The following PLCXD3 variants were observed in gnomAD, a reference collection of about 807,000 sequenced individuals.
PLCXD3 encodes phosphatidylinositol specific phospholipase C X domain containing 3.
PLCXD3 carries 19 observed loss-of-function variants against 25.5 expected under a neutral mutation model. The ratio of observed to expected loss-of-function variants is 0.75; its 90% confidence interval spans 0.52 to 1.09. The LOEUF is 1.09. Ranked by LOEUF, PLCXD3 falls within the 50% of genes least tolerant of loss-of-function variation. The pLI, the probability that PLCXD3 is intolerant of heterozygous loss-of-function variation, is 0.00. For synonymous variants in PLCXD3, 174 were observed against 137.6 expected (o/e 1.26, Z -1.85); for missense variants, 411 against 388.1 (o/e 1.06, Z -0.50).
At chr5:41,417,880 G>A (rs758200133) in intron 1 of PLCXD3, among the ~76,000 whole-genome samples, 1 of 152,206 alleles carries the variant, frequency 6.6e-6, no homozygotes, top group Non-Finnish European at 1.5e-5. Flanking sequence ...GACTGAGCAG[G>A]TTGTTGGAGA....
intron 2 of PLCXD3, among the ~76,000 whole-genome samples, chr5:41,322,833 G>C (rs1580298544): frequency 6.6e-6 from 1 of 152,130 alleles, no homozygotes; most frequent in South Asian, 2.1e-4. Context: ...AATTAGTTGG[G>C]TGTTGTGATG....
chr5:41,480,812 T>C (rs1293325496), intron 1 of PLCXD3, among the ~76,000 whole-genome samples: 2 of 151,972 alleles, frequency 1.3e-5, no homozygotes, highest in African/African-American at 4.8e-5. Flanking sequence ...TCCCAGCTAC[T>C]CAGGAGGCTG....
intron 1 of PLCXD3, among the ~76,000 whole-genome samples, chr5:41,457,766 G>C (rs898749029): frequency 2.0e-5 from 3 of 151,832 alleles, no homozygotes; most frequent in Non-Finnish European, 2.9e-5. Flanking sequence ...TACCATAACA[G>C]GTCACCCGTT....
At chr5:41,359,638 T>A (rs1218736260) in intron 2 of PLCXD3, among the ~76,000 whole-genome samples, 1 of 152,210 alleles carries the variant, frequency 6.6e-6, no homozygotes, top group Non-Finnish European at 1.5e-5. Flanking sequence ...ATTTTGCCAA[T>A]GGTCTATCAA....
At chr5:41,465,745 A>G (rs1461901028) in intron 1 of PLCXD3, among the ~76,000 whole-genome samples, 2 of 152,076 alleles carry the variant, frequency 1.3e-5, no homozygotes, top group Non-Finnish European at 2.9e-5. Flanking sequence ...TGGATTGGCC[A>G]TTATGAACAT....
chr5:41,428,076 G>A (rs879465241), intron 1 of PLCXD3, among the ~76,000 whole-genome samples: 38 of 151,956 alleles, frequency 2.5e-4, no homozygotes, highest in Non-Finnish European at 4.1e-4. Context: ...TTGTGCTGTC[G>A]CCCTGGGAAG....
intron 1 of PLCXD3, among the ~76,000 whole-genome samples, chr5:41,391,448 C>T (rs1745815955): frequency 6.6e-6 from 1 of 152,148 alleles, no homozygotes. Context: ...CATTTCTAGA[C>T]ACACCTGGGC....
intron 2 of PLCXD3, among the ~76,000 whole-genome samples, chr5:41,315,166 T>C (rs575785331): frequency 6.6e-6 from 1 of 152,154 alleles, no homozygotes; most frequent in South Asian, 2.1e-4. Flanking sequence ...TGACAGCATA[T>C]TGGAATGAGA....
chr5:41,469,637 A>C (rs919827592), intron 1 of PLCXD3, among the ~76,000 whole-genome samples: 1 of 151,974 alleles, frequency 6.6e-6, no homozygotes, highest in Admixed American at 6.6e-5. Context: ...CAATCTATTG[A>C]TCTATAATTG....
At chr5:41,497,718 CA>C (rs1748871149) in intron 1 of PLCXD3, among the ~76,000 whole-genome samples, 1 of 151,778 alleles carries the variant, frequency 6.6e-6, no homozygotes, top group African/African-American at 2.4e-5. Context: ...TTAACAACAG[CA>C]GAATACACAT....
At chr5:41,336,766 C>T (rs1743993982) in intron 2 of PLCXD3, among the ~76,000 whole-genome samples, 1 of 152,124 alleles carries the variant, frequency 6.6e-6, no homozygotes, top group African/African-American at 2.4e-5. Flanking sequence ...TCTGAAGATC[C>T]CCCACAGCTC....
At chr5:41,321,583 TA>T (rs1220191975) in intron 2 of PLCXD3, among the ~76,000 whole-genome samples, 3 of 152,202 alleles carry the variant, frequency 2.0e-5, no homozygotes, top group Middle Eastern at 3.4e-3. Context: ...AAAGCAAACC[TA>T]AAATTTATGT....
At chr5:41,492,285 A>C (rs1324626093) in intron 1 of PLCXD3, among the ~76,000 whole-genome samples, 1 of 152,290 alleles carries the variant, frequency 6.6e-6, no homozygotes, top group East Asian at 1.9e-4. Flanking sequence ...TGGCTTGTAG[A>C]GTTTCTGCCG....
At chr5:41,352,168 A>G (rs550070134) in intron 2 of PLCXD3, among the ~76,000 whole-genome samples, 2 of 152,360 alleles carry the variant, frequency 1.3e-5, no homozygotes, top group South Asian at 4.1e-4. Context: ...CATGCAGAAG[A>G]CACCATCATC....
At chr5:41,470,098 C>G (rs568083845) in intron 1 of PLCXD3, among the ~76,000 whole-genome samples, 3 of 152,214 alleles carry the variant, frequency 2.0e-5, no homozygotes, top group Non-Finnish European at 4.4e-5. Flanking sequence ...TAAAAACACA[C>G]AGTGTGGAAT....
Position 41,307,658 on chromosome 5 carries a change from T to TA in PLCXD3, c.*5958dup, listed in dbSNP as rs1743034201. 1 of 152,250 alleles carries TA rather than the reference T, an allele frequency of 6.6e-6. No individual in the cohort carries two copies. Among genetic ancestry groups the TA allele is most frequent in the African/African-American group, 2.4e-5 (1 of 41,462 alleles). 9.4% of individuals were successfully genotyped at this position (152,250 alleles called of 1,614,324 possible). On this transcript the variant is annotated 3_prime_UTR_variant, in exon 3 of 3. Coordinates refer to ENST00000377801, the MANE Select transcript of PLCXD3 (RefSeq NM_001005473.3). ...GAAGGTGTCACCAGGGCAGTGTCTA[T>TA]ACCTCAGACTCTTTTATTCTTCCAG...
chr5:41,468,444 C>T (rs992905658), intron 1 of PLCXD3, among the ~76,000 whole-genome samples: 2 of 152,112 alleles, frequency 1.3e-5, no homozygotes, highest in African/African-American at 4.8e-5. Flanking sequence ...AATTTCTTTG[C>T]ATCTGTAGAT....
intron 1 of PLCXD3, among the ~76,000 whole-genome samples, chr5:41,392,393 G>A (rs1745856253): frequency 6.6e-6 from 1 of 152,172 alleles, no homozygotes; most frequent in Admixed American, 6.6e-5. Context: ...GATAAAGTAA[G>A]AGAAGAGAAC....
intron 1 of PLCXD3, among the ~76,000 whole-genome samples, chr5:41,475,979 AGGT>A (rs1220862602): frequency 6.6e-6 from 1 of 152,208 alleles, no homozygotes; most frequent in Non-Finnish European, 1.5e-5. Context: ...AAGGAGGAGG[AGGT>A]AACAATTGGT....
Sources: gnomAD v4.1 joint callset for allele counts (sites outside exome capture counted in the v4.1 genomes callset) on GRCh38, gnomAD v4.1.1 for gene constraint, MANE v1.5 for transcripts, NCBI Gene and HGNC (gene_info 2026-07-23, HGNC 2026-07-21) for gene names.